The following ST18 variants were observed in gnomAD, a reference collection of about 807,000 sequenced individuals.
The protein encoded by ST18 is suppression of tumorigenicity 18 protein.
A neutral mutation model predicts 110.0 loss-of-function variants in ST18; 50 were observed. The ratio of observed to expected loss-of-function variants is 0.45; its 90% confidence interval spans 0.36 to 0.58. The LOEUF (loss-of-function observed/expected upper bound fraction) is 0.58, where lower values mean the gene tolerates loss of function less well. Among genes scored for constraint, ST18 ranks in the 20% least tolerant of loss-of-function variants. ST18 has a pLI of 0.00. For synonymous variants in ST18, 461 were observed against 452.4 expected, an observed-to-expected ratio of 1.02 and a Z score of -0.24; for missense variants, 1,306 against 1,280.1, an observed-to-expected ratio of 1.02 and a Z score of -0.31.
Position 52,132,100 on chromosome 8 carries a change from G to C in ST18, c.2524C>G (p.Leu842Val). ...TTCTCCTTCTGTCTCTTGGCAGCCA[G>C]AGGACAGCCAGAAGCTGTGCGGTGT... ...TSHRTASGCP[L>V]AAKRQKENPL... The change falls in exon 22 of 26, where the codon CTG (leucine) becomes GTG (valine). Residue 842 changes from leucine (L) to valine (V), a missense_variant. Coordinates refer to ENST00000689386, the MANE Select transcript of ST18 (RefSeq NM_001352837.2). The C allele has an allele frequency of 1.2e-6, 2 of 1,614,212 alleles. No homozygotes were observed. Among genetic ancestry groups the C allele is most frequent in the Non-Finnish European group, 1.7e-6 (2 of 1,180,048 alleles).
chr8:52,123,309 A>G (rs1441913583), intron 23 of ST18, among the ~76,000 whole-genome samples: 1 of 152,254 alleles, frequency 6.6e-6, no homozygotes, highest in Non-Finnish European at 1.5e-5. Context: ...TGCTAAAGGT[A>G]AAGCCATATG....
chr8:52,143,169 T>C lies in ST18; in HGVS notation c.2053-124A>G, dbSNP rs968298351. 1.7e-5 allele frequency: 11 copies of C among 646,790 alleles called. No homozygotes were observed. The South Asian group carries it at 2.1e-4, about 12-fold the overall frequency. The allele number at this position is 646,790 out of a possible 1,614,324, so 40.1% of individuals were successfully genotyped here. On this transcript the variant is annotated intron_variant, in intron 16 of 25. Transcript: ENST00000689386. ...GCTTTGGACTTGGACTTGGCTGAAA[T>C]ACCTTAGAGGATTTGCATAAGAAAT...
At chr8:52,245,502 C>T (rs968546387) in intron 2 of ST18, among the ~76,000 whole-genome samples, 3 of 151,942 alleles carry the variant, frequency 2.0e-5, no homozygotes, top group Non-Finnish European at 4.4e-5. Context: ...CATGAAGGAA[C>T]CTCAAAATTT....
chr8:52,325,666 A>G (rs541769798), intron 2 of ST18, among the ~76,000 whole-genome samples: 3 of 152,314 alleles, frequency 2.0e-5, no homozygotes, highest in South Asian at 4.1e-4. Context: ...GACTTTTCTG[A>G]TCTTCAGTAT....
At chr8:52,325,942 A>G (rs1356186414) in intron 2 of ST18, among the ~76,000 whole-genome samples, 5 of 152,182 alleles carry the variant, frequency 3.3e-5, no homozygotes, top group African/African-American at 1.2e-4. Flanking sequence ...CCTTTTCAAT[A>G]TATTAGGATA....
intron 11 of ST18, among the ~76,000 whole-genome samples, chr8:52,165,618 T>G (rs1339764818): frequency 6.6e-6 from 1 of 152,192 alleles, no homozygotes; most frequent in African/African-American, 2.4e-5. Flanking sequence ...ATGGTCTTCT[T>G]TATTTTCTAA....
intron 2 of ST18, among the ~76,000 whole-genome samples, chr8:52,362,431 C>A (rs942552610): frequency 6.6e-6 from 1 of 152,162 alleles, no homozygotes; most frequent in African/African-American, 2.4e-5. Context: ...ATGCTGTTTT[C>A]ATCAACTGGC....
chr8:52,255,917 T>G lies in ST18; in HGVS notation c.-464-25840A>C, dbSNP rs555423063. Among the ~76,000 whole-genome samples, 4 of 152,340 alleles carry G rather than the reference T, an allele frequency of 2.6e-5. No individual in the cohort carries two copies. The East Asian group carries it at 7.7e-4, about 29-fold the overall frequency. On this transcript the variant is annotated intron_variant, in intron 2 of 25. Transcript: ENST00000689386. ...AATTGTTCAAGGTCCCTTGGCCCAT[T>G]GCTCCCTCACAGTGTTTTGGTTTTT...
At chr8:52,156,753 A>ATG (rs757997867) in intron 15 of ST18, among the ~76,000 whole-genome samples, 1 of 151,780 alleles carries the variant, frequency 6.6e-6, no homozygotes, top group Admixed American at 6.6e-5. Context: ...GCGTGTGTGC[A>ATG]TGTGTGTGTG....
intron 2 of ST18, among the ~76,000 whole-genome samples, chr8:52,238,679 C>T (rs1014797760): frequency 2.0e-5 from 3 of 151,972 alleles, no homozygotes; most frequent in African/African-American, 7.3e-5. Flanking sequence ...ACTACTCAAC[C>T]ATAGAAAAGA....
chr8:52,388,808 A>T (rs547473197), intron 2 of ST18, among the ~76,000 whole-genome samples: 2 of 103,618 alleles, frequency 1.9e-5, no homozygotes, highest in South Asian at 3.8e-4. Context: ...CACTCCGGGG[A>T]CTGTTGTGGG....
intron 17 of ST18, 131 bp from the exon 18 acceptor site, chr8:52,137,614 T>A: frequency 1.3e-6 from 1 of 784,926 alleles, no homozygotes; most frequent in Non-Finnish European, 2.0e-6. Context: ...ATGCAGAAGC[T>A]AGTGTACCAA....
chr8:52,198,681 G>A (rs1409301666), intron 8 of ST18, among the ~76,000 whole-genome samples: 1 of 152,146 alleles, frequency 6.6e-6, no homozygotes, highest in Non-Finnish European at 1.5e-5. Context: ...ATATCTCTAT[G>A]TGTGAGTGTG....
intron 2 of ST18, among the ~76,000 whole-genome samples, chr8:52,232,594 GA>G (rs1283645813): frequency 6.6e-6 from 1 of 151,938 alleles, no homozygotes; most frequent in Non-Finnish European, 1.5e-5. Context: ...TTGCTATTTT[GA>G]AGAACGTATT....
chr8:52,280,008 A>G (rs2095345505), intron 2 of ST18, among the ~76,000 whole-genome samples: 1 of 152,178 alleles, frequency 6.6e-6, no homozygotes, highest in African/African-American at 2.4e-5. Flanking sequence ...TTTGGGGGAA[A>G]TATTAAAGTT....
At chr8:52,310,575 A>C (rs1047245319) in intron 2 of ST18, among the ~76,000 whole-genome samples, 36 of 152,080 alleles carry the variant, frequency 2.4e-4, no homozygotes, top group African/African-American at 8.7e-4. Flanking sequence ...TGAACAAAGA[A>C]ATTTAAGGGA....
intron 2 of ST18, among the ~76,000 whole-genome samples, chr8:52,307,703 G>C (rs1220933443): frequency 1.3e-5 from 2 of 152,154 alleles, no homozygotes; most frequent in Non-Finnish European, 2.9e-5. Context: ...TGTACATGAG[G>C]ATGTAATACC....
intron 2 of ST18, among the ~76,000 whole-genome samples, chr8:52,350,050 G>A (rs978632368): frequency 1.3e-5 from 2 of 152,154 alleles, no homozygotes; most frequent in African/African-American, 2.4e-5. Context: ...TCCCATCACA[G>A]AACCCGGCCT....
rs778240700 is a variant in ST18, at chr8:52,214,228, C to T, written c.30G>A (p.Leu10=). Residue 10 remains leucine, a synonymous_variant, in exon 7 of 26, where the codon CTG becomes CTA. Coordinates refer to ENST00000689386, the MANE Select transcript of ST18 (RefSeq NM_001352837.2). ...CCTCGGTTCCTTTAGAGCGAGTACG[C>T]AGCGTTTTATCTTCAGCCTCTGCAT... MDAEAEDKT[L]RTRSKGTEVP... 4.3e-6 allele frequency: 7 copies of T among 1,613,940 alleles called. No individual in the cohort carries two copies. In the African/African-American group the frequency reaches 8.0e-5, roughly 18 times the overall value.
Sources: gnomAD v4.1 joint callset for allele counts (sites outside exome capture counted in the v4.1 genomes callset) on GRCh38, gnomAD v4.1.1 for gene constraint, MANE v1.5 for transcripts, NCBI Gene and HGNC (gene_info 2026-07-23, HGNC 2026-07-21) for gene names.